The following BRD4 variants were observed in gnomAD, a reference collection of about 807,000 sequenced individuals.
BRD4 encodes the protein bromodomain containing 4, also known as bromodomain-containing protein 4.
Under a neutral mutation model 142.1 loss-of-function variants are expected in BRD4, and 16 were observed. The observed-to-expected ratio is 0.11, with a 90% CI of 0.08 to 0.17. The LOEUF (loss-of-function observed/expected upper bound fraction) is 0.17, where lower values mean the gene tolerates loss of function less well. BRD4 is among the 10% of genes least tolerant of loss of function. The pLI is 1.00. For synonymous variants in BRD4, 833 were observed against 707.5 expected (o/e 1.18, Z -2.82); for missense variants, 1,424 against 1,810.9 (o/e 0.79, Z 3.88).
At chr19:15,331,381 A>G (rs940445224) in intron 1 of BRD4, among the ~76,000 whole-genome samples, 7 of 152,066 alleles carry the variant, frequency 4.6e-5, no homozygotes, top group African/African-American at 1.7e-4. Context: ...GCTGAATCAC[A>G]ACTCCCCCAC....
At chr19:15,250,042 C>T (rs2047327911) in intron 11 of BRD4, among the ~76,000 whole-genome samples, 1 of 152,178 alleles carries the variant, frequency 6.6e-6, no homozygotes, top group Admixed American at 6.5e-5. Context: ...CTTGTTCCCA[C>T]CCACGTAGCA....
chr19:15,250,885 T>C (rs2047336589), intron 11 of BRD4, among the ~76,000 whole-genome samples: 1 of 152,184 alleles, frequency 6.6e-6, no homozygotes, highest in African/African-American at 2.4e-5. Context: ...GGACAGTGTC[T>C]TCCTCCAGCC....
intron 1 of BRD4, among the ~76,000 whole-genome samples, chr19:15,274,034 C>T (rs2047619414): frequency 6.6e-6 from 1 of 152,138 alleles, no homozygotes; most frequent in Admixed American, 6.5e-5. Context: ...ATTTTAAAAG[C>T]TCCAAACGGA....
chr19:15,301,032 G>A (rs996637338), intron 1 of BRD4, among the ~76,000 whole-genome samples: 5 of 152,178 alleles, frequency 3.3e-5, no homozygotes, highest in Non-Finnish European at 7.3e-5. Context: ...CCATCCACGT[G>A]TCCTTCAACT....
intron 1 of BRD4, among the ~76,000 whole-genome samples, chr19:15,306,632 A>G (rs997269759): frequency 1.3e-5 from 2 of 152,116 alleles, no homozygotes; most frequent in Admixed American, 1.3e-4. Flanking sequence ...TGAACACTTT[A>G]AAGGCTATTA....
At chr19:15,293,632 C>T (rs1395054292) in intron 1 of BRD4, among the ~76,000 whole-genome samples, 3 of 152,190 alleles carry the variant, frequency 2.0e-5, no homozygotes, top group African/African-American at 7.2e-5. Context: ...TAAAGCACAC[C>T]TATATTTTAA....
At chr19:15,273,276 G>A (rs2047609993) in intron 1 of BRD4, 143 bp from the exon 2 acceptor site, 1 of 749,468 alleles carries the variant, frequency 1.3e-6, no homozygotes, top group South Asian at 2.1e-5. Flanking sequence ...ACCACCCCAT[G>A]CTTTGACTGA....
At chr19:15,276,410 A>G (rs2047647301) in intron 1 of BRD4, among the ~76,000 whole-genome samples, 1 of 151,510 alleles carries the variant, frequency 6.6e-6, no homozygotes, top group South Asian at 2.1e-4. Context: ...AGGCTCTAAC[A>G]ACAAGTCAGC....
At chr19:15,271,342 A>G (rs1599472061) in intron 2 of BRD4, among the ~76,000 whole-genome samples, 1 of 152,130 alleles carries the variant, frequency 6.6e-6, no homozygotes, top group Non-Finnish European at 1.5e-5. Context: ...ACACCGTCGC[A>G]ATCTGGTTTC....
intron 7 of BRD4, 111 bp downstream of exon 7, chr19:15,263,309 A>G (rs2047494373): frequency 7.5e-7 from 1 of 1,339,976 alleles, no homozygotes; most frequent in Non-Finnish European, 1.0e-6. Flanking sequence ...ACATGGCATT[A>G]TCCCAAGGAA....
chr19:15,332,518 C>CCGCCGCCGCCGCCAGCGCACTGA lies in BRD4; in HGVS notation c.-264_-263insTCAGTGCGCTGGCGGCGGCGGCG, dbSNP rs2048172722. 2 of 163,778 alleles carry CCGCCGCCGCCGCCAGCGCACTGA rather than the reference C, an allele frequency of 1.2e-5. No individual in the cohort carries two copies. Among genetic ancestry groups the CCGCCGCCGCCGCCAGCGCACTGA allele is most frequent in the Non-Finnish European group, 2.5e-5 (2 of 81,268 alleles). 10.1% of individuals were successfully genotyped at this position (163,778 alleles called of 1,614,324 possible). On this transcript the variant is annotated 5_prime_UTR_variant, in exon 1 of 20. Transcript: ENST00000679869. Reference sequence around the variant, plus strand: ...AACAGCCCAGCCGCCGCCGCCGCCGCCGCCGCCGCCGCCAGCGCACTGACG... The same window carrying CCGCCGCCGCCGCCAGCGCACTGA: ...AACAGCCCAGCCGCCGCCGCCGCCGCCGCCGCCGCCGCCAGCGCACTGACGCCGCCGCCGCCAGCGCACTGACG...
Position 15,239,021 on chromosome 19 carries a change from C to T in BRD4, c.3782+38G>A, listed in dbSNP as rs200683030. 9.6e-4 allele frequency: 1,506 copies of T among 1,576,712 alleles called. No individual in the cohort carries two copies. The highest frequency in any genetic ancestry group is 1.2e-3 in the Non-Finnish European group (1,387 of 1,164,488). The stretch of plus-strand genomic sequence containing the variant: ...CAGTCAGCCTGGGGACTGGTGTGGC[C>T]CCAAGAGTCCCCATGCCCCACCCAG... On this transcript the variant is annotated intron_variant, in intron 18 of 19. Transcript: ENST00000679869. The surrounding 1 kb of genome is among the most constrained non-coding windows in gnomAD (Gnocchi z 7.4).
At chr19:15,270,244 T>C (rs976414787) in intron 2 of BRD4, among the ~76,000 whole-genome samples, 1 of 152,154 alleles carries the variant, frequency 6.6e-6, no homozygotes, top group African/African-American at 2.4e-5. Flanking sequence ...GTGGACAGCG[T>C]TGGAAAGGCC....
At chr19:15,287,392 C>T (rs1318572505) in intron 1 of BRD4, among the ~76,000 whole-genome samples, 3 of 152,138 alleles carry the variant, frequency 2.0e-5, no homozygotes, top group Admixed American at 2.0e-4. Context: ...CACTATCTAG[C>T]TCCAGAACTT....
intron 1 of BRD4, among the ~76,000 whole-genome samples, chr19:15,289,500 G>A (rs993394147): frequency 2.6e-5 from 4 of 152,058 alleles, no homozygotes; most frequent in Non-Finnish European, 5.9e-5. Context: ...GCGATGAGCC[G>A]AGATCGCGCC....
intron 1 of BRD4, among the ~76,000 whole-genome samples, chr19:15,320,495 C>A (rs1041736173): frequency 6.6e-6 from 1 of 152,082 alleles, no homozygotes; most frequent in Admixed American, 6.6e-5. Context: ...TAAATAACAA[C>A]TTGTTATTTA....
chr19:15,278,442 G>A (rs778781976), intron 1 of BRD4, among the ~76,000 whole-genome samples: 5 of 150,770 alleles, frequency 3.3e-5, no homozygotes, highest in Non-Finnish European at 7.4e-5. Flanking sequence ...GGCTGAGACA[G>A]GAGAATCACT....
intron 1 of BRD4, among the ~76,000 whole-genome samples, chr19:15,277,129 A>C (rs1384937258): frequency 6.6e-6 from 1 of 152,246 alleles, no homozygotes; most frequent in Non-Finnish European, 1.5e-5. Context: ...GTGGCCAAAA[A>C]GCAGGAGCCA....
chr19:15,252,282 C>G (rs185154941), intron 11 of BRD4, among the ~76,000 whole-genome samples: 96 of 152,334 alleles, frequency 6.3e-4, no homozygotes, highest in African/African-American at 2.3e-3. Flanking sequence ...AGGGCTAAAG[C>G]AGCACACTGC....
Sources: gnomAD v4.1 joint callset for allele counts (sites outside exome capture counted in the v4.1 genomes callset) on GRCh38, gnomAD v4.1.1 for gene constraint, Gnocchi (gnomAD v3.1) non-coding constraint, MANE v1.5 for transcripts, NCBI Gene and HGNC (gene_info 2026-07-23, HGNC 2026-07-21) for gene names.